The following HDAC9 variants were observed in gnomAD, a reference collection of about 807,000 sequenced individuals.
HDAC9 encodes the protein histone deacetylase 9.
In HDAC9, 41 loss-of-function variants were observed where a neutral mutation model predicts 139.4. That is an observed-to-expected ratio of 0.29 (90% CI 0.23 to 0.38). The LOEUF (loss-of-function observed/expected upper bound fraction) is 0.38. HDAC9 is among the 10% of genes least tolerant of loss of function. The pLI, the probability that HDAC9 is intolerant of heterozygous loss-of-function variation, is 1.00. For synonymous variants in HDAC9, 517 were observed against 476.2 expected (o/e 1.09, Z -1.12); for missense variants, 1,147 against 1,297.0 (o/e 0.88, Z 1.78).
intron 2 of HDAC9, among the ~76,000 whole-genome samples, chr7:18,185,477 A>G (rs1584520438): frequency 1.3e-5 from 2 of 152,236 alleles, no homozygotes; most frequent in African/African-American, 2.4e-5. Context: ...AGGAGATGAC[A>G]TGTCCTTTCT....
chr7:18,476,875 T>G (rs1174524637), intron 1 of HDAC9, among the ~76,000 whole-genome samples: 1 of 152,236 alleles, frequency 6.6e-6, no homozygotes, highest in Non-Finnish European at 1.5e-5. Flanking sequence ...AGCTAAACCC[T>G]TTCTATTGTT....
At chr7:18,155,744 G>A (rs1787142952) in intron 1 of HDAC9, among the ~76,000 whole-genome samples, 1 of 152,162 alleles carries the variant, frequency 6.6e-6, no homozygotes, top group Admixed American at 6.5e-5. Context: ...GATACTCTAA[G>A]GGTGAAGTCA....
chr7:18,445,184 A>G (rs937991521), intron 1 of HDAC9, among the ~76,000 whole-genome samples: 1 of 152,224 alleles, frequency 6.6e-6, no homozygotes, highest in African/African-American at 2.4e-5. Context: ...TCATGGCAAC[A>G]GATTACCTAC....
intron 17 of HDAC9, among the ~76,000 whole-genome samples, chr7:18,802,931 T>A (rs979200857): frequency 1.3e-5 from 2 of 151,892 alleles, no homozygotes; most frequent in African/African-American, 4.8e-5. Context: ...TGTTTTCTAA[T>A]ATGACTGTGT....
chr7:18,783,358 T>C (rs1335493581), intron 16 of HDAC9, among the ~76,000 whole-genome samples: 4 of 152,138 alleles, frequency 2.6e-5, no homozygotes, highest in African/African-American at 9.7e-5. Context: ...GGCAAGGTTT[T>C]GTTTACTTAC....
At chr7:18,757,675 G>C (rs1227517284) in intron 14 of HDAC9, among the ~76,000 whole-genome samples, 2 of 152,146 alleles carry the variant, frequency 1.3e-5, no homozygotes, top group East Asian at 3.9e-4. Flanking sequence ...GAAAGGAATA[G>C]AACTGTTTCC....
intron 13 of HDAC9, among the ~76,000 whole-genome samples, chr7:18,730,318 CA>C (rs1385714627): frequency 6.6e-6 from 1 of 152,162 alleles, no homozygotes; most frequent in Non-Finnish European, 1.5e-5. Flanking sequence ...CACATGATCT[CA>C]AAAATCACTT....
chr7:18,523,453 T>G (rs1430047821), intron 2 of HDAC9, among the ~76,000 whole-genome samples: 1 of 152,202 alleles, frequency 6.6e-6, no homozygotes, highest in African/African-American at 2.4e-5. Context: ...GAGTCTGAGA[T>G]TTCCACATTC....
chr7:18,663,503 G>C (rs1484466717), intron 11 of HDAC9, among the ~76,000 whole-genome samples: 1 of 151,858 alleles, frequency 6.6e-6, no homozygotes, highest in Non-Finnish European at 1.5e-5. Context: ...GCATTTCCTG[G>C]ACACTGGCTC....
At chr7:18,707,068 G>T (rs1346841919) in intron 12 of HDAC9, among the ~76,000 whole-genome samples, 1 of 152,116 alleles carries the variant, frequency 6.6e-6, no homozygotes, top group Non-Finnish European at 1.5e-5. Context: ...AGAGCTAGGG[G>T]TGGAGCCCCA....
intron 5 of HDAC9, among the ~76,000 whole-genome samples, chr7:18,592,680 A>G (rs1453532435): frequency 2.0e-5 from 3 of 152,130 alleles, no homozygotes; most frequent in Non-Finnish European, 2.9e-5. Flanking sequence ...AACAGGTAAC[A>G]GACAGATACC....
At chr7:18,123,473 A>G (rs1040120931) in intron 1 of HDAC9, among the ~76,000 whole-genome samples, 2 of 152,224 alleles carry the variant, frequency 1.3e-5, no homozygotes, top group African/African-American at 2.4e-5. Flanking sequence ...TATTTAAACC[A>G]TATCGTACAA....
At chr7:18,787,951 T>C (rs2129175680) in intron 16 of HDAC9, among the ~76,000 whole-genome samples, 2 of 152,326 alleles carry the variant, frequency 1.3e-5, no homozygotes, top group South Asian at 4.1e-4. Flanking sequence ...TTAATGTCTT[T>C]AGGTAATTGC....
At chr7:18,954,467 T>C (rs1381101427) in intron 24 of HDAC9, among the ~76,000 whole-genome samples, 1 of 151,024 alleles carries the variant, frequency 6.6e-6, no homozygotes, top group Admixed American at 6.6e-5. Context: ...GTATTTGGAG[T>C]TTTTACCATT....
At chr7:18,674,525 T>C (rs904488728) in intron 12 of HDAC9, among the ~76,000 whole-genome samples, 1 of 152,066 alleles carries the variant, frequency 6.6e-6, no homozygotes, top group African/African-American at 2.4e-5. Flanking sequence ...CTGTGTGGCA[T>C]TATGTCTTTT....
chr7:18,147,478 G>A (rs1371151534), intron 1 of HDAC9, among the ~76,000 whole-genome samples: 3 of 152,066 alleles, frequency 2.0e-5, no homozygotes, highest in Non-Finnish European at 4.4e-5. Flanking sequence ...CAGTTTGCTT[G>A]TTCGCTGGTG....
chr7:18,893,149 C>G (rs1034962363), intron 22 of HDAC9, among the ~76,000 whole-genome samples: 1 of 151,858 alleles, frequency 6.6e-6, no homozygotes, highest in African/African-American at 2.4e-5. Context: ...CACTGTACCC[C>G]TAACGTTCTT....
intron 17 of HDAC9, among the ~76,000 whole-genome samples, chr7:18,801,246 T>C (rs1490874760): frequency 6.6e-6 from 1 of 152,110 alleles, no homozygotes; most frequent in African/African-American, 2.4e-5. Flanking sequence ...TGTAAATATT[T>C]TATATTTTGT....
intron 1 of HDAC9, among the ~76,000 whole-genome samples, chr7:18,104,665 CA>C (rs1441547627): frequency 1.3e-5 from 2 of 152,078 alleles, no homozygotes; most frequent in Non-Finnish European, 2.9e-5. Flanking sequence ...TCTGGGATAT[CA>C]TACTCTCCAG....
Sources: allele counts gnomAD v4.1 joint callset (sites outside exome capture counted in the v4.1 genomes callset), GRCh38; gene constraint gnomAD v4.1.1; transcripts MANE v1.5; gene names NCBI Gene and HGNC (gene_info 2026-07-23, HGNC 2026-07-21).